NALCN: variants seen among roughly 807,000 people sequenced by gnomAD.
NALCN encodes the protein sodium leak channel NALCN.
NALCN carries 111 observed loss-of-function variants against 225.3 expected under a neutral mutation model. The ratio of observed to expected loss-of-function variants is 0.49; its 90% CI spans 0.42 to 0.58. The LOEUF is 0.58. NALCN is among the 20% of genes least tolerant of loss of function. The pLI is 0.00. For missense variants in NALCN, 1,378 were observed against 2,202.4 expected (o/e 0.63, Z 7.49); for synonymous variants, 764 against 769.0 (o/e 0.99, Z 0.11).
intron 17 of NALCN, among the ~76,000 whole-genome samples, chr13:101,142,298 C>A (rs890865773): frequency 3.3e-5 from 5 of 151,704 alleles, no homozygotes; most frequent in African/African-American, 1.2e-4. Flanking sequence ...TCCACCACCA[C>A]GCCCAGCTGA....
intron 15 of NALCN, among the ~76,000 whole-genome samples, chr13:101,153,055 C>A (rs908852416): frequency 6.7e-6 from 1 of 149,340 alleles, no homozygotes; most frequent in Non-Finnish European, 1.5e-5. Flanking sequence ...TGTAATTTTT[C>A]TCTTTTTTTT....
intron 6 of NALCN, among the ~76,000 whole-genome samples, chr13:101,354,888 C>A (rs755425975): frequency 1.3e-5 from 2 of 152,064 alleles, no homozygotes; most frequent in Non-Finnish European, 2.9e-5. Flanking sequence ...TTTGTCCTTG[C>A]GCAAATCTCA....
intron 13 of NALCN, among the ~76,000 whole-genome samples, chr13:101,203,367 C>A (rs2040199768): frequency 6.6e-6 from 1 of 152,160 alleles, no homozygotes; most frequent in African/African-American, 2.4e-5. Flanking sequence ...AGGTGCCTAC[C>A]ACCACACCTG....
chr13:101,202,591 C>G (rs1404476116), intron 13 of NALCN, among the ~76,000 whole-genome samples: 1 of 152,032 alleles, frequency 6.6e-6, no homozygotes, highest in Non-Finnish European at 1.5e-5. Flanking sequence ...ATATCGATTC[C>G]TAGGTGAATC....
At chr13:101,387,246 A>AT (rs1306317675) in intron 3 of NALCN, among the ~76,000 whole-genome samples, 139 of 150,258 alleles carry the variant, frequency 9.3e-4, no homozygotes, top group African/African-American at 3.3e-3. Flanking sequence ...AAAAAAAAAA[A>AT]AAAAAAAACA....
At chr13:101,083,623 C>A in intron 31 of NALCN, 88 bp downstream of exon 31, 1 of 1,326,958 alleles carries the variant, frequency 7.5e-7, no homozygotes, top group Non-Finnish European at 1.1e-6. Flanking sequence ...AGCGGCCTCA[C>A]GATTATTATT....
chr13:101,143,797 C>A (rs1289846283), intron 16 of NALCN, among the ~76,000 whole-genome samples: 1 of 152,068 alleles, frequency 6.6e-6, no homozygotes, highest in Admixed American at 6.6e-5. Flanking sequence ...TAATAAAACA[C>A]TTTTTTTCCC....
chr13:101,360,199 T>C (rs991548640), intron 6 of NALCN, among the ~76,000 whole-genome samples: 1 of 87,086 alleles, frequency 1.1e-5, no homozygotes, highest in African/African-American at 4.3e-5. Flanking sequence ...CCTCTCTCTC[T>C]CTCTCTCTCT....
At chr13:101,202,745 CAGCCAGG>C (rs886146025) in intron 13 of NALCN, among the ~76,000 whole-genome samples, 2 of 152,336 alleles carry the variant, frequency 1.3e-5, no homozygotes, top group South Asian at 2.1e-4. Context: ...ACATGCCTAT[CAGCCAGG>C]AGCTTTTCAA....
At chr13:101,056,643 TCTC>T (rs2031300927) in intron 43 of NALCN, among the ~76,000 whole-genome samples, 1 of 152,132 alleles carries the variant, frequency 6.6e-6, no homozygotes, top group Non-Finnish European at 1.5e-5. Flanking sequence ...CCAGGTCACC[TCTC>T]CTATCTGTCC....
chr13:101,066,357 G>A lies in NALCN; in HGVS notation c.4447-796C>T, dbSNP rs547474103. On this transcript the variant is annotated intron_variant, in intron 39 of 43. Transcript: ENST00000251127. Reference sequence around the variant, plus strand: ...CTAACTCCTTTTCATGTCTTCTTCAGGATTAGAAAAACTATATACAAGAGA... The same window carrying A: ...CTAACTCCTTTTCATGTCTTCTTCAAGATTAGAAAAACTATATACAAGAGA... Among the ~76,000 whole-genome samples, 4 of 151,312 alleles carry A rather than the reference G, an allele frequency of 2.6e-5. No individual in the cohort carries two copies. In the South Asian group the frequency reaches 8.4e-4, roughly 32 times the overall value.
At chr13:101,229,286 A>C (rs2041258600) in intron 13 of NALCN, 107 bp downstream of exon 13, 2 of 1,074,346 alleles carry the variant, frequency 1.9e-6, no homozygotes, top group Non-Finnish European at 2.6e-6. Flanking sequence ...AGTTATCAAA[A>C]ATAGGATAAT....
At chr13:101,391,110 A>G (rs991173206) in intron 3 of NALCN, among the ~76,000 whole-genome samples, 1 of 152,204 alleles carries the variant, frequency 6.6e-6, no homozygotes, top group Non-Finnish European at 1.5e-5. Context: ...AAGTTAATTA[A>G]GCTGATTCTT....
intron 3 of NALCN, among the ~76,000 whole-genome samples, chr13:101,388,434 A>ATT (rs63238661): frequency 4.6e-4 from 70 of 151,966 alleles, no homozygotes; most frequent in African/African-American, 1.5e-3. Context: ...AAAAAAAAAA[A>ATT]TTTTGGTTGT....
intron 12 of NALCN, among the ~76,000 whole-genome samples, chr13:101,235,608 A>C (rs2041526001): frequency 6.6e-6 from 1 of 152,214 alleles, no homozygotes; most frequent in Non-Finnish European, 1.5e-5. Flanking sequence ...AAACATGTAT[A>C]TCTCTTGCCC....
chr13:101,200,231 C>A (rs958733202), intron 13 of NALCN, among the ~76,000 whole-genome samples: 3 of 152,100 alleles, frequency 2.0e-5, no homozygotes, highest in African/African-American at 7.2e-5. Flanking sequence ...GTTCTTTCTG[C>A]ACTCCTTCCC....
rs916575189 is a variant in NALCN at position 101,378,391 on chromosome 13, A to G, written c.375+179T>C. Among the ~76,000 whole-genome samples the G allele has an allele frequency of 5.9e-5, 9 of 152,108 alleles. No individual in the cohort carries two copies. The Middle Eastern group carries it at 0.01, about 174-fold the overall frequency. ...ATTAAAATTAATTTTTCAAATTTCAAATATGTCAGAGTAAACAGACTAATC... is the reference window on the plus strand; with the variant it reads ...ATTAAAATTAATTTTTCAAATTTCAGATATGTCAGAGTAAACAGACTAATC... On this transcript the variant is annotated intron_variant, in intron 4 of 43. Coordinates refer to ENST00000251127, the MANE Select transcript of NALCN (RefSeq NM_052867.4).
chr13:101,098,172 T>A (rs574432425), intron 27 of NALCN, among the ~76,000 whole-genome samples: 4 of 152,060 alleles, frequency 2.6e-5, no homozygotes, highest in Non-Finnish European at 4.4e-5. Context: ...TCCCACCTCC[T>A]CCCTGAAGCC....
At chr13:101,372,659 A>G (rs2046573190) in intron 6 of NALCN, among the ~76,000 whole-genome samples, 1 of 152,182 alleles carries the variant, frequency 6.6e-6, no homozygotes, top group Non-Finnish European at 1.5e-5. Context: ...ACAACATATC[A>G]ACATTTTGGA....
Sources: allele counts gnomAD v4.1 joint callset (sites outside exome capture counted in the v4.1 genomes callset), GRCh38; gene constraint gnomAD v4.1.1; transcripts MANE v1.5; gene names NCBI Gene and HGNC (gene_info 2026-07-23, HGNC 2026-07-21).